RABGEF1: variants seen among roughly 807,000 people sequenced by gnomAD.
The protein encoded by RABGEF1 is RAB guanine nucleotide exchange factor 1, also known as rab5 GDP/GTP exchange factor.
Under a neutral mutation model 57.3 loss-of-function variants are expected in RABGEF1, and 26 were observed. The observed-to-expected ratio is 0.45, with a 90% CI of 0.33 to 0.63. The LOEUF (loss-of-function observed/expected upper bound fraction) is 0.63. Ranked by LOEUF, RABGEF1 falls within the 20% of genes least tolerant of loss-of-function variation. The pLI is 0.02. For missense variants in RABGEF1, 464 were observed against 607.6 expected (o/e 0.76, Z 2.48); for synonymous variants, 185 against 210.7 (o/e 0.88, Z 1.06).
the RABGEF1 span, among the ~76,000 whole-genome samples, chr7:66,654,833 C>T: frequency 6.6e-6 from 1 of 152,234 alleles, no homozygotes; most frequent in African/African-American, 2.4e-5. Context: ...CCGCCCTCGG[C>T]TCCCTTAATC....
intron 7 of RABGEF1, among the ~76,000 whole-genome samples, chr7:66,803,502 C>T (rs543088242): frequency 1.4e-4 from 21 of 152,324 alleles, no homozygotes; most frequent in Admixed American, 1.1e-3. Flanking sequence ...GCTGTCACCA[C>T]GTGCTTCAGC....
Position 66,754,150 on chromosome 7 carries a change from C to CT in RABGEF1, c.-18+13359dup, listed in dbSNP as rs562685541. 2.5e-4 allele frequency among the ~76,000 whole-genome samples: 38 copies of CT among 150,394 alleles called. 1 individual carries two copies. The East Asian group carries it at 7.7e-3, about 30-fold the overall frequency. On this transcript the variant is annotated intron_variant, in intron 1 of 8. Coordinates refer to ENST00000284957, the MANE Select transcript of RABGEF1 (RefSeq NM_014504.3). ...CCGCGTAGCTGGGACTACAGGCGCC[C>CT]TCCAACACGCCTGGCTAATTTTTTT...
Position 66,810,462 on chromosome 7 carries a change from C to T in RABGEF1, c.*1178C>T, listed in dbSNP as rs181147939. On this transcript the variant is annotated 3_prime_UTR_variant, in exon 9 of 9. Coordinates refer to ENST00000284957, the MANE Select transcript of RABGEF1 (RefSeq NM_014504.3). ...GCCATATCACCCCTCCGTTAAGAAC[C>T]ACTGATGTCTTTTACAAACCAGGAG... 2 of 152,298 alleles carry T rather than the reference C, an allele frequency of 1.3e-5. No homozygotes were observed. The highest frequency in any genetic ancestry group is 3.9e-4 in the East Asian group (2 of 5,182). The allele number at this position is 152,298 out of a possible 1,614,324, so 9.4% of individuals were successfully genotyped here.
At chr7:66,673,351 T>G in the RABGEF1 span, among the ~76,000 whole-genome samples, 13 of 152,022 alleles carry the variant, frequency 8.6e-5, no homozygotes, top group African/African-American at 2.7e-4. Flanking sequence ...CCATTGTCAT[T>G]AGCTTGCTGC....
intron 2 of RABGEF1, among the ~76,000 whole-genome samples, chr7:66,734,017 CAAA>C (rs200131535): frequency 6.6e-6 from 1 of 151,836 alleles, no homozygotes; most frequent in Non-Finnish European, 1.5e-5. Context: ...AAACAAAAAA[CAAA>C]AAAAACCTCC....
At chr7:66,656,647 G>A in the RABGEF1 span, among the ~76,000 whole-genome samples, 4 of 151,858 alleles carry the variant, frequency 2.6e-5, no homozygotes, top group Admixed American at 6.6e-5. Flanking sequence ...TGGTGAAACC[G>A]TGTCTCTACT....
chr7:66,773,408 C>T (rs755387559), intron 2 of RABGEF1, among the ~76,000 whole-genome samples: 2 of 152,176 alleles, frequency 1.3e-5, no homozygotes, highest in South Asian at 2.1e-4. Context: ...GTCCCGATTC[C>T]ACCCTCAGAC....
chr7:66,703,221 C>G (rs942612200), intron 1 of RABGEF1, among the ~76,000 whole-genome samples: 2 of 152,216 alleles, frequency 1.3e-5, no homozygotes, highest in African/African-American at 4.8e-5. Context: ...GCCCGCCCGC[C>G]TTGGCCTCCC....
intron 2 of RABGEF1, among the ~76,000 whole-genome samples, chr7:66,773,127 C>A (rs1045687115): frequency 6.7e-6 from 1 of 150,006 alleles, no homozygotes; most frequent in Non-Finnish European, 1.5e-5. Flanking sequence ...TTGAGTGACT[C>A]CTTTGCTGTC....
chr7:66,766,451 C>T (rs1583891242), intron 1 of RABGEF1, among the ~76,000 whole-genome samples: 1 of 152,036 alleles, frequency 6.6e-6, no homozygotes, highest in East Asian at 1.9e-4. Flanking sequence ...CATTCTAGGA[C>T]TCTATTCTTT....
intron 1 of RABGEF1, among the ~76,000 whole-genome samples, chr7:66,769,721 A>G (rs898726003): frequency 1.2e-4 from 18 of 152,204 alleles, no homozygotes; most frequent in African/African-American, 4.1e-4. Context: ...GTCTTAAGAT[A>G]GAGATCTTAT....
chr7:66,801,886 G>A (rs28460006), intron 7 of RABGEF1, among the ~76,000 whole-genome samples: 17,827 of 152,102 alleles, frequency 0.12, 1,225 homozygotes, highest in East Asian at 0.2. Flanking sequence ...GACAACATCT[G>A]GAGACTTATT....
intron 1 of RABGEF1, among the ~76,000 whole-genome samples, chr7:66,706,153 C>T (rs62466141): frequency 0.037 from 5,557 of 151,658 alleles, 161 homozygotes; most frequent in East Asian, 0.086. Flanking sequence ...CCACCCGCCT[C>T]GGCCTCGCAA....
chr7:66,769,508 G>A (rs1806560280), intron 1 of RABGEF1, among the ~76,000 whole-genome samples: 1 of 152,222 alleles, frequency 6.6e-6, no homozygotes, highest in Non-Finnish European at 1.5e-5. Context: ...CATACACAGA[G>A]GAGACACAGG....
chr7:66,710,955 C>A (rs1794693110), intron 1 of RABGEF1, among the ~76,000 whole-genome samples: 1 of 150,420 alleles, frequency 6.6e-6, no homozygotes, highest in Non-Finnish European at 1.5e-5. Context: ...CCAGCCTGGG[C>A]AACATAGCGA....
chr7:66,745,525 G>T (rs879287961), intron 1 of RABGEF1, among the ~76,000 whole-genome samples: 36 of 152,052 alleles, frequency 2.4e-4, no homozygotes, highest in Non-Finnish European at 4.4e-4. Context: ...CCAACACTTT[G>T]GGAGGCTGAG....
At chr7:66,707,637 G>A (rs370268047) in intron 1 of RABGEF1, among the ~76,000 whole-genome samples, 22 of 152,276 alleles carry the variant, frequency 1.4e-4, no homozygotes, top group African/African-American at 3.6e-4. Context: ...GCAGTGAGCC[G>A]AGACTGCACC....
intron 1 of RABGEF1, among the ~76,000 whole-genome samples, chr7:66,707,060 T>A (rs1040437433): frequency 6.6e-6 from 1 of 150,960 alleles, no homozygotes; most frequent in East Asian, 2.0e-4. Flanking sequence ...GCTGGGATTA[T>A]AGGCGTGAGC....
rs1311001087 is a variant in RABGEF1 at position 66,805,365 on chromosome 7, C to G, written c.1046C>G (p.Thr349Ser). 3 of 1,614,196 alleles carry G rather than the reference C, an allele frequency of 1.9e-6. No homozygotes were observed. Among genetic ancestry groups the G allele is most frequent in the Non-Finnish European group, 1.7e-6 (2 of 1,180,040 alleles). The change falls in exon 8 of 9, where the codon ACT (threonine) becomes AGT (serine). Residue 349 changes from threonine to serine, a missense_variant. Physicochemically the swap from Thr to Ser is moderately conservative, Grantham distance 58 (BLOSUM62 1). This residue lies in a region of RABGEF1 where 284 missense variants were observed against 389.9 expected (regional missense o/e 0.73). Transcript: ENST00000284957. ...TTCTGCAATCCAAGCCGACTGATGA[C>G]TGGAGAGGATGGCTACTATTTCACC... ...TRFCNPSRLM[T>S]GEDGYYFTNL...
Sources: allele counts gnomAD v4.1 joint callset (sites outside exome capture counted in the v4.1 genomes callset), GRCh38; gene constraint gnomAD v4.1.1; regional missense constraint gnomAD v4.1.1; transcripts MANE v1.5; gene names NCBI Gene and HGNC (gene_info 2026-07-23, HGNC 2026-07-21).